Variants in TASP1 observed in about 807,000 individuals in gnomAD.
TASP1 encodes the protein taspase 1.
A neutral mutation model predicts 56.6 loss-of-function variants in TASP1; 16 were observed. The observed-to-expected ratio is 0.28, with a 90% CI of 0.19 to 0.43. The LOEUF is 0.43. Ranked by LOEUF, TASP1 falls within the 20% of genes least tolerant of loss-of-function variation. The pLI is 1.00. For synonymous variants in TASP1, 179 were observed against 184.2 expected (o/e 0.97, Z 0.23); for missense variants, 393 against 511.6 (o/e 0.77, Z 2.24).
chr20:13,112,143 T>C, the TASP1 span, among the ~76,000 whole-genome samples: 4 of 152,210 alleles, frequency 2.6e-5, no homozygotes, highest in Non-Finnish European at 4.4e-5. Flanking sequence ...TACCGTGGGT[T>C]GTGTGGACCA....
chr20:13,449,534 T>C (rs1266328344), intron 11 of TASP1, among the ~76,000 whole-genome samples: 1 of 152,228 alleles, frequency 6.6e-6, no homozygotes, highest in East Asian at 1.9e-4. Context: ...ATTAACTTTG[T>C]TTTTAAGTAA....
chr20:13,146,912 T>A, the TASP1 span, among the ~76,000 whole-genome samples: 1 of 152,342 alleles, frequency 6.6e-6, no homozygotes, highest in African/African-American at 2.4e-5. Flanking sequence ...GCGTAATGCC[T>A]TCATGATCTC....
chr20:13,457,996 T>C (rs577719967), intron 11 of TASP1, among the ~76,000 whole-genome samples: 1 of 152,284 alleles, frequency 6.6e-6, no homozygotes, highest in East Asian at 1.9e-4. Context: ...AAGAAAGATG[T>C]TTTCATTTGT....
At chr20:13,151,573 T>G in the TASP1 span, among the ~76,000 whole-genome samples, 3 of 152,198 alleles carry the variant, frequency 2.0e-5, no homozygotes, top group Non-Finnish European at 4.4e-5. Context: ...AAAACAAGCA[T>G]GGACAATTGG....
At chr20:13,467,994 C>G (rs889024005) in intron 11 of TASP1, among the ~76,000 whole-genome samples, 1 of 151,632 alleles carries the variant, frequency 6.6e-6, no homozygotes. Flanking sequence ...CCAGCCTGAG[C>G]AACAAAAGTA....
the TASP1 span, among the ~76,000 whole-genome samples, chr20:13,294,930 C>T: frequency 6.6e-6 from 1 of 152,162 alleles, no homozygotes; most frequent in Admixed American, 6.5e-5. Flanking sequence ...GCAATTCAAT[C>T]CCAGGCTGTT....
chr20:13,618,066 C>T (rs2048583188), intron 4 of TASP1, among the ~76,000 whole-genome samples: 2 of 152,066 alleles, frequency 1.3e-5, no homozygotes, highest in Admixed American at 1.3e-4. Context: ...CAATGAACTA[C>T]TCAAGTGTGA....
chr20:13,224,252 T>C, the TASP1 span, among the ~76,000 whole-genome samples: 1 of 152,186 alleles, frequency 6.6e-6, no homozygotes, highest in African/African-American at 2.4e-5. Context: ...TTGTAATTTG[T>C]TATTATAAAA....
chr20:13,155,999 C>T, the TASP1 span, among the ~76,000 whole-genome samples: 1 of 152,006 alleles, frequency 6.6e-6, no homozygotes, highest in Non-Finnish European at 1.5e-5. Flanking sequence ...GGGTTGACAA[C>T]AGTGATTGAA....
chr20:13,340,479 A>C, the TASP1 span, among the ~76,000 whole-genome samples: 1 of 148,118 alleles, frequency 6.8e-6, no homozygotes, highest in Admixed American at 6.8e-5. Flanking sequence ...ACATTATTCA[A>C]GTGTGTTTGC....
chr20:13,318,709 T>C, the TASP1 span, among the ~76,000 whole-genome samples: 1 of 152,200 alleles, frequency 6.6e-6, no homozygotes, highest in Non-Finnish European at 1.5e-5. Context: ...TAATAAGAAA[T>C]GAGCCGTCAA....
chr20:13,535,790 C>G (rs1438256615), intron 8 of TASP1, among the ~76,000 whole-genome samples: 2 of 152,090 alleles, frequency 1.3e-5, no homozygotes, highest in Non-Finnish European at 2.9e-5. Flanking sequence ...AATGTCAGGG[C>G]CAGTTTTCTA....
chr20:13,332,038 T>C, the TASP1 span, among the ~76,000 whole-genome samples: 3 of 152,170 alleles, frequency 2.0e-5, no homozygotes, highest in Admixed American at 2.0e-4. Context: ...CCTCAAGTAA[T>C]TTCCAGTATG....
In TASP1 at chr20:13,431,396, T is replaced by C. The variant is rs79384859; in HGVS notation, c.1096+3648A>G. On this transcript the variant is annotated intron_variant, in intron 12 of 13. Coordinates refer to ENST00000337743, the MANE Select transcript of TASP1 (RefSeq NM_017714.3). The stretch of plus-strand genomic sequence containing the variant: ...GTCCCCTTTTACAGGCAGAGGTTTA[T>C]GACAAACCCTGATCTTTATGGGTCC... 6.9e-3 allele frequency among the ~76,000 whole-genome samples: 1,050 copies of C among 152,286 alleles called. 11 individuals carry two copies. Among genetic ancestry groups the C allele is most frequent in the African/African-American group, 0.024 (994 of 41,560 alleles).
chr20:13,555,634 A>C (rs2046131306), intron 8 of TASP1, among the ~76,000 whole-genome samples: 1 of 152,154 alleles, frequency 6.6e-6, no homozygotes, highest in East Asian at 1.9e-4. Context: ...GAAGTCCTGA[A>C]TCCCTCAAAG....
At chr20:13,456,532 G>A (rs182550587) in intron 11 of TASP1, among the ~76,000 whole-genome samples, 1 of 152,248 alleles carries the variant, frequency 6.6e-6, no homozygotes, top group Non-Finnish European at 1.5e-5. Flanking sequence ...CATTGACACT[G>A]TTATATACTC....
the TASP1 span, among the ~76,000 whole-genome samples, chr20:13,179,869 C>A: frequency 6.6e-6 from 1 of 152,158 alleles, no homozygotes; most frequent in African/African-American, 2.4e-5. Flanking sequence ...AATGAGAGAG[C>A]TAGACCCCAT....
the TASP1 span, among the ~76,000 whole-genome samples, chr20:13,182,349 C>T: frequency 6.6e-6 from 1 of 152,124 alleles, no homozygotes; most frequent in South Asian, 2.1e-4. Context: ...ATTATCTGCT[C>T]TCATATATTT....
chr20:13,583,170 G>A (rs1197705932), intron 5 of TASP1, among the ~76,000 whole-genome samples: 1 of 152,200 alleles, frequency 6.6e-6, no homozygotes, highest in Admixed American at 6.5e-5. Flanking sequence ...TCCACGGGGT[G>A]CCTGCGTAGT....
Sources: gnomAD v4.1 joint callset for allele counts (sites outside exome capture counted in the v4.1 genomes callset) on GRCh38, gnomAD v4.1.1 for gene constraint, MANE v1.5 for transcripts, NCBI Gene and HGNC (gene_info 2026-07-23, HGNC 2026-07-21) for gene names.